SNTG1: variants seen among roughly 807,000 people sequenced by gnomAD.
The protein encoded by SNTG1 is gamma-1-syntrophin.
A neutral mutation model predicts 74.7 loss-of-function variants in SNTG1; 39 were observed. The ratio of observed to expected loss-of-function variants is 0.52; its 90% CI spans 0.40 to 0.68. The LOEUF is 0.68. Ranked by LOEUF, SNTG1 falls within the 30% of genes least tolerant of loss-of-function variation. SNTG1 has a pLI of 0.00. For synonymous variants in SNTG1, 254 were observed against 217.1 expected (o/e 1.17, Z -1.49); for missense variants, 685 against 609.5 (o/e 1.12, Z -1.30).
At chr8:49,970,020 A>G (rs562981561) in intron 1 of SNTG1, among the ~76,000 whole-genome samples, 28 of 152,074 alleles carry the variant, frequency 1.8e-4, no homozygotes, top group Non-Finnish European at 3.1e-4. Flanking sequence ...TTTTACTCAA[A>G]TTGCCAATAC....
intron 5 of SNTG1, among the ~76,000 whole-genome samples, chr8:50,442,646 T>C (rs915801732): frequency 1.4e-5 from 2 of 147,952 alleles, no homozygotes; most frequent in Non-Finnish European, 3.0e-5. Context: ...CATACTTGTG[T>C]GCCTTTTTTT....
chr8:50,011,515 A>C (rs1164253391), intron 1 of SNTG1, among the ~76,000 whole-genome samples: 8 of 152,052 alleles, frequency 5.3e-5, no homozygotes, highest in Non-Finnish European at 1.2e-4. Context: ...TTAACCTCTT[A>C]AGTATTTCTT....
chr8:50,366,028 T>C (rs1212071271), intron 2 of SNTG1, among the ~76,000 whole-genome samples: 1 of 152,192 alleles, frequency 6.6e-6, no homozygotes, highest in East Asian at 1.9e-4. Flanking sequence ...TGCCTATTAT[T>C]TTCTAACAAA....
At chr8:50,047,724 C>T (rs1038428549) in intron 1 of SNTG1, among the ~76,000 whole-genome samples, 13 of 152,094 alleles carry the variant, frequency 8.5e-5, no homozygotes, top group African/African-American at 2.9e-4. Context: ...GAAGGGAAAG[C>T]TTATCCTGTG....
intron 1 of SNTG1, among the ~76,000 whole-genome samples, chr8:49,950,164 C>T (rs138177820): frequency 3.2e-4 from 49 of 152,106 alleles, no homozygotes; most frequent in Admixed American, 2.4e-3. Flanking sequence ...TATTTAAAAA[C>T]GCATTCCTTA....
chr8:50,764,594 C>T (rs1422906588), intron 18 of SNTG1, among the ~76,000 whole-genome samples: 1 of 151,808 alleles, frequency 6.6e-6, no homozygotes, highest in Non-Finnish European at 1.5e-5. Context: ...TCATATCTAT[C>T]AAATGGCTAT....
chr8:50,580,693 C>T lies in SNTG1; in HGVS notation c.811-10186C>T, dbSNP rs118131599. On this transcript the variant is annotated intron_variant, in intron 12 of 18. Coordinates refer to ENST00000642720, the MANE Select transcript of SNTG1 (RefSeq NM_018967.5). Reference sequence around the variant, plus strand: ...CTTGCTGCCACAATATGATGAAGGACGTCTTTGCTTCCCCTTCCATCATGA... The same window carrying T: ...CTTGCTGCCACAATATGATGAAGGATGTCTTTGCTTCCCCTTCCATCATGA... Among the ~76,000 whole-genome samples the T allele has an allele frequency of 2.8e-3, 427 of 152,256 alleles. 4 individuals carry two copies. The highest frequency in any genetic ancestry group is 0.02 in the Middle Eastern group (6 of 294).
Position 50,502,884 on chromosome 8 carries a change from A to G in SNTG1, c.466+4A>G. 6.2e-7 allele frequency: 1 copy of G among 1,607,206 alleles called. No individual in the cohort carries two copies. Among genetic ancestry groups the G allele is most frequent in the Non-Finnish European group, 8.5e-7 (1 of 1,174,692 alleles). ...CCATTGAATGAAGATTGTGCATGTAAGCATTTATAAAGAATAGATAAAAGT... is the reference window on the plus strand; with the variant it reads ...CCATTGAATGAAGATTGTGCATGTAGGCATTTATAAAGAATAGATAAAAGT... On this transcript the variant is annotated splice_donor_region_variant and intron_variant, in intron 9 of 18. Transcript: ENST00000642720.
intron 1 of SNTG1, among the ~76,000 whole-genome samples, chr8:49,971,551 A>G (rs975744068): frequency 1.1e-4 from 16 of 152,154 alleles, no homozygotes; most frequent in Non-Finnish European, 1.5e-4. Context: ...AGGGTATTCA[A>G]TTAGGAAAAG....
intron 2 of SNTG1, among the ~76,000 whole-genome samples, chr8:50,348,837 T>TG (rs1388707635): frequency 6.6e-6 from 1 of 152,244 alleles, no homozygotes; most frequent in Non-Finnish European, 1.5e-5. Context: ...GTCTATTTTA[T>TG]GGACACAAGG....
At chr8:50,509,322 A>G (rs185945503) in intron 9 of SNTG1, among the ~76,000 whole-genome samples, 2,693 of 152,130 alleles carry the variant, frequency 0.018, 91 homozygotes, top group African/African-American at 0.062. Context: ...TGGTTACTGT[A>G]GCCTTGTAGT....
intron 2 of SNTG1, among the ~76,000 whole-genome samples, chr8:50,312,884 G>T (rs2090170836): frequency 6.7e-6 from 1 of 149,918 alleles, no homozygotes; most frequent in Non-Finnish European, 1.5e-5. Context: ...ATCCAGTTAG[G>T]TTTCAGATTT....
chr8:50,735,190 C>T (rs1057399236), intron 17 of SNTG1, among the ~76,000 whole-genome samples: 6 of 151,466 alleles, frequency 4.0e-5, no homozygotes, highest in African/African-American at 1.5e-4. Flanking sequence ...TAACTGTATG[C>T]TGTACACAAG....
intron 1 of SNTG1, among the ~76,000 whole-genome samples, chr8:50,113,091 T>G (rs2080667264): frequency 6.6e-6 from 1 of 152,178 alleles, no homozygotes; most frequent in Non-Finnish European, 1.5e-5. Flanking sequence ...GGCTCTTTTT[T>G]GGTTCCATAT....
At chr8:50,376,500 G>C (rs1011304185) in intron 2 of SNTG1, among the ~76,000 whole-genome samples, 4 of 151,764 alleles carry the variant, frequency 2.6e-5, no homozygotes, top group African/African-American at 9.7e-5. Flanking sequence ...TAGGAAAAGG[G>C]TATTGAGACT....
intron 1 of SNTG1, among the ~76,000 whole-genome samples, chr8:50,133,810 GCA>G (rs2081388206): frequency 6.6e-6 from 1 of 152,150 alleles, no homozygotes; most frequent in African/African-American, 2.4e-5. Flanking sequence ...ATTTATACCT[GCA>G]ATGGCTCCCT....
At position 50,484,657 on chromosome 8, in the gene SNTG1, C is replaced by T. The variant is rs114014602; in HGVS notation, c.364-18121C>T. On this transcript the variant is annotated intron_variant, in intron 8 of 18. Transcript: ENST00000642720. Reference sequence around the variant, plus strand: ...GGTGGATCATGTGAGGTTGGGAGTTCGAGACCAGCCTGTCCAACAGGAAGA... The same window carrying T: ...GGTGGATCATGTGAGGTTGGGAGTTTGAGACCAGCCTGTCCAACAGGAAGA... 3.7e-3 allele frequency among the ~76,000 whole-genome samples: 554 copies of T among 151,504 alleles called. 2 individuals are homozygous for T. Among genetic ancestry groups the T allele is most frequent in the African/African-American group, 0.013 (528 of 41,430 alleles).
At chr8:50,483,332 C>T (rs1441366387) in intron 8 of SNTG1, among the ~76,000 whole-genome samples, 1 of 151,952 alleles carries the variant, frequency 6.6e-6, no homozygotes, top group Non-Finnish European at 1.5e-5. Flanking sequence ...TATTAAGCAA[C>T]ATATAAGGCA....
intron 2 of SNTG1, among the ~76,000 whole-genome samples, chr8:50,226,218 T>A (rs544564888): frequency 2.0e-5 from 3 of 152,188 alleles, no homozygotes; most frequent in South Asian, 2.1e-4. Context: ...GTCTGGGGAG[T>A]CATCCCCTAC....
Sources: gnomAD v4.1 joint callset for allele counts (sites outside exome capture counted in the v4.1 genomes callset) on GRCh38, gnomAD v4.1.1 for gene constraint, MANE v1.5 for transcripts, NCBI Gene and HGNC (gene_info 2026-07-23, HGNC 2026-07-21) for gene names.